Variants in NDEL1 observed in about 807,000 individuals in gnomAD.
NDEL1 encodes the protein nuclear distribution protein nudE-like 1.
NDEL1 carries 9 observed loss-of-function variants against 45.7 expected under a neutral mutation model. The ratio of observed to expected loss-of-function variants is 0.20; its 90% CI spans 0.12 to 0.34. The LOEUF (loss-of-function observed/expected upper bound fraction) is 0.34, where lower values mean the gene tolerates loss of function less well. Ranked by LOEUF, NDEL1 falls within the 10% of genes least tolerant of loss-of-function variation. NDEL1 has a pLI of 1.00. For missense variants in NDEL1, 306 were observed against 406.2 expected, an observed-to-expected ratio of 0.75 and a Z score of 2.12; for synonymous variants, 133 against 158.6, an observed-to-expected ratio of 0.84 and a Z score of 1.21.
At chr17:8,415,814 C>T (rs1315523032) in intron 1 of NDEL1, among the ~76,000 whole-genome samples, 1 of 152,114 alleles carries the variant, frequency 6.6e-6, no homozygotes, top group African/African-American at 2.4e-5. Context: ...ATGGCGCGAT[C>T]TCAGTTCACT....
chr17:8,421,114 T>C (rs1384666559), intron 1 of NDEL1, among the ~76,000 whole-genome samples: 1 of 152,198 alleles, frequency 6.6e-6, no homozygotes, highest in Non-Finnish European at 1.5e-5. Flanking sequence ...ATAGAGATGA[T>C]CATTTAGAAT....
chr17:8,453,383 C>T (rs1910641785), intron 6 of NDEL1, among the ~76,000 whole-genome samples: 1 of 152,210 alleles, frequency 6.6e-6, no homozygotes, highest in East Asian at 1.9e-4. Flanking sequence ...TTATTGAGTA[C>T]TTACTACGTG....
intron 1 of NDEL1, among the ~76,000 whole-genome samples, chr17:8,414,085 G>A (rs1165599955): frequency 1.3e-5 from 2 of 151,922 alleles, no homozygotes; most frequent in African/African-American, 4.8e-5. Flanking sequence ...TATCTCTTGA[G>A]TGTCATCTCT....
downstream of NDEL1, among the ~76,000 whole-genome samples, chr17:8,468,548 G>A (rs1232064842): frequency 6.6e-6 from 1 of 152,192 alleles, no homozygotes; most frequent in African/African-American, 2.4e-5. Context: ...AAGTCGCTTC[G>A]AACCGGCACT....
intron 4 of NDEL1, among the ~76,000 whole-genome samples, chr17:8,447,209 C>G (rs962015733): frequency 1.3e-5 from 2 of 152,194 alleles, no homozygotes; most frequent in Admixed American, 6.5e-5. Context: ...GTGGCATGAT[C>G]TCGGCTCACT....
intron 6 of NDEL1, among the ~76,000 whole-genome samples, chr17:8,453,862 A>C (rs546233747): frequency 6.6e-6 from 1 of 152,188 alleles, no homozygotes; most frequent in African/African-American, 2.4e-5. Context: ...TTAACATTAT[A>C]ATAAAGTAGC....
chr17:8,446,237 CT>C (rs1416234757), intron 3 of NDEL1, among the ~76,000 whole-genome samples: 1 of 152,110 alleles, frequency 6.6e-6, no homozygotes, highest in Non-Finnish European at 1.5e-5. Context: ...GTTCATAGCC[CT>C]TTCAGTTTTG....
chr17:8,468,865 A>G (rs1597566916), downstream of NDEL1, among the ~76,000 whole-genome samples: 2 of 152,154 alleles, frequency 1.3e-5, no homozygotes, highest in East Asian at 3.9e-4. Flanking sequence ...TTGGCCAGGC[A>G]TGGTGGCGGG....
intron 1 of NDEL1, among the ~76,000 whole-genome samples, chr17:8,417,899 G>T (rs1908593036): frequency 2.6e-5 from 4 of 152,170 alleles, no homozygotes. Flanking sequence ...AGAAGTAGAT[G>T]CCTTGGCTTG....
In NDEL1 at chr17:8,425,581, C is replaced by CAAA. The variant is rs35170611; in HGVS notation, c.-13+12326_-13+12328dup. Among the ~76,000 whole-genome samples, 86 of 131,436 alleles carry CAAA rather than the reference C, an allele frequency of 6.5e-4. 1 individual carries two copies. In the Middle Eastern group the frequency reaches 0.016, roughly 25 times the overall value. 86.2% of individuals were successfully genotyped at this position (131,436 alleles called of 152,430 possible). A position where few individuals can be genotyped will look rare whatever the true frequency, so the allele number is the denominator to read the frequency against. On this transcript the variant is annotated intron_variant, in intron 1 of 4. Transcript: ENST00000582812. Reference sequence around the variant, plus strand: ...TTGGTGACAGAGTGAGACCTTGTCTCAAAAAAAAAAAAAAAATCATTGAAA... The same window carrying CAAA: ...TTGGTGACAGAGTGAGACCTTGTCTCAAAAAAAAAAAAAAAAAAATCATTGAAA...
chr17:8,440,647 G>T (rs192040403), intron 1 of NDEL1, among the ~76,000 whole-genome samples: 1 of 152,266 alleles, frequency 6.6e-6, no homozygotes. Flanking sequence ...CATGCAAAAG[G>T]CTATTTAAAA....
rs536719303 is a variant in NDEL1 at position 8,442,941 on chromosome 17, G to A, written c.-12-1319G>A. Among the ~76,000 whole-genome samples, 20 of 151,966 alleles carry A rather than the reference G, an allele frequency of 1.3e-4. No individual in the cohort carries two copies. The East Asian group carries it at 2.9e-3, about 22-fold the overall frequency. On this transcript the variant is annotated intron_variant, in intron 1 of 8. Coordinates refer to ENST00000334527, the MANE Select transcript of NDEL1 (RefSeq NM_030808.5). ...ACTACAGGCGCCTGCCACCACGCCC[G>A]GCTAATTTTTTGTATTTTTAGCAGA...
chr17:8,435,795 G>GCCCC, upstream of NDEL1: 1 of 349,898 alleles, frequency 2.9e-6, no homozygotes, highest in South Asian at 2.0e-5. Flanking sequence ...CACCAGCCCC[G>GCCCC]CCCCACCCCG....
chr17:8,431,450 A>C (rs1351663382), upstream of NDEL1: 1 of 152,280 alleles, frequency 6.6e-6, no homozygotes, highest in Non-Finnish European at 1.5e-5. Context: ...TCACAGGCTC[A>C]TTGTGAGGAC....
At chr17:8,473,692 T>C (rs894224596) in intron 3 of NDEL1, among the ~76,000 whole-genome samples, 2 of 152,148 alleles carry the variant, frequency 1.3e-5, no homozygotes, top group Non-Finnish European at 2.9e-5. Flanking sequence ...ATAGACCCCT[T>C]ACCCCCAGAA....
chr17:8,447,572 A>G (rs1910164259), intron 4 of NDEL1, among the ~76,000 whole-genome samples: 1 of 152,076 alleles, frequency 6.6e-6, no homozygotes, highest in Non-Finnish European at 1.5e-5. Flanking sequence ...GTTATCCTCT[A>G]GCTGATATAT....
chr17:8,430,006 T>C (rs1305112246), intron 1 of NDEL1, among the ~76,000 whole-genome samples: 1 of 152,038 alleles, frequency 6.6e-6, no homozygotes, highest in Non-Finnish European at 1.5e-5. Context: ...GGGAAAGTCT[T>C]TGGGCTTTGG....
intron 1 of NDEL1, among the ~76,000 whole-genome samples, chr17:8,441,688 C>G (rs182217822): frequency 6.6e-6 from 1 of 152,092 alleles, no homozygotes; most frequent in Non-Finnish European, 1.5e-5. Flanking sequence ...CACTTGTGCT[C>G]TATGCTATCT....
chr17:8,433,343 T>A (rs118067395), upstream of NDEL1, among the ~76,000 whole-genome samples: 1 of 152,214 alleles, frequency 6.6e-6, no homozygotes, highest in African/African-American at 2.4e-5. Flanking sequence ...ATGAACAAGA[T>A]TACTTTTTTT....
Sources: gnomAD v4.1 joint callset for allele counts (sites outside exome capture counted in the v4.1 genomes callset) on GRCh38, gnomAD v4.1.1 for gene constraint, MANE v1.5 for transcripts, NCBI Gene and HGNC (gene_info 2026-07-23, HGNC 2026-07-21) for gene names.